The following NBEAL1 variants were observed in gnomAD, a reference collection of about 807,000 sequenced individuals.
NBEAL1 encodes the protein neurobeachin-like protein 1.
NBEAL1 carries 273 observed loss-of-function variants against 351.3 expected under a neutral mutation model. The ratio of observed to expected loss-of-function variants is 0.78; its 90% confidence interval spans 0.70 to 0.86. The LOEUF is 0.86. Among genes scored for constraint, NBEAL1 ranks in the 40% least tolerant of loss-of-function variants. The probability of loss-of-function intolerance (pLI) is 0.00; values close to 1 mark genes in which losing one functional copy is unlikely to be tolerated. For synonymous variants in NBEAL1, 1,050 were observed against 1,086.4 expected, an observed-to-expected ratio of 0.97 and a Z score of 0.66; for missense variants, 2,961 against 3,201.3, an observed-to-expected ratio of 0.92 and a Z score of 1.81.
In NBEAL1 at chr2:203,171,818, G is replaced by A. The variant is rs934913792; in HGVS notation, c.6103-110G>A. 7 of 455,560 alleles carry A rather than the reference G, an allele frequency of 1.5e-5. No homozygotes were observed. In the African/African-American group the frequency reaches 1.9e-4, roughly 12 times the overall value. The allele number at this position is 455,560 out of a possible 1,614,324, so 28.2% of individuals were successfully genotyped here. On this transcript the variant is annotated intron_variant, in intron 39 of 55. Coordinates refer to ENST00000683969, the MANE Select transcript of NBEAL1 (RefSeq NM_001378026.1). ...AAGTATATTGATTTATCTCCCTGTT[G>A]TACCTTTTTTTTTTTTTTAGCCCAT... is the stretch of plus-strand genomic sequence containing the variant.
intron 46 of NBEAL1, 159 bp downstream of exon 46, chr2:203,190,548 A>G (rs925258986): frequency 2.8e-6 from 2 of 705,354 alleles, no homozygotes; most frequent in South Asian, 3.8e-5. Flanking sequence ...TTCCAAGAGG[A>G]AAAACTGAGT....
Position 203,222,277 on chromosome 2 carries a change from A to T in NBEAL1, c.*4923A>T, listed in dbSNP as rs2065961274. ...CAGATCAGACTTCTCTGTGGAGTTT[A>T]TAAATATACAGATATGTAGGCACTG... On this transcript the variant is annotated 3_prime_UTR_variant, in exon 56 of 56. Transcript: ENST00000683969. Among the ~76,000 whole-genome samples, 1 of 152,214 alleles carries T rather than the reference A, an allele frequency of 6.6e-6. No individual in the cohort carries two copies. The highest frequency in any genetic ancestry group is 2.1e-4 in the South Asian group (1 of 4,822).
chr2:203,192,383 TA>T (rs1289602943), intron 46 of NBEAL1, among the ~76,000 whole-genome samples: 4 of 145,770 alleles, frequency 2.7e-5, no homozygotes, highest in African/African-American at 1.0e-4. Context: ...TATTAAAAGA[TA>T]ATTTTTTTTT....
At chr2:203,191,884 T>C (rs542826775) in intron 46 of NBEAL1, among the ~76,000 whole-genome samples, 1 of 152,334 alleles carries the variant, frequency 6.6e-6, no homozygotes, top group Admixed American at 6.5e-5. Flanking sequence ...ATTAGGACAC[T>C]TTCTGCCTTA....
At position 203,121,395 on chromosome 2, in the gene NBEAL1, G is replaced by T. The variant is rs529211719; in HGVS notation, c.2593-859G>T. Among the ~76,000 whole-genome samples the T allele has an allele frequency of 9.2e-5, 14 of 152,246 alleles. No homozygotes were observed. The East Asian group carries it at 2.7e-3, about 29-fold the overall frequency. On this transcript the variant is annotated intron_variant, in intron 18 of 55. Coordinates refer to ENST00000683969, the MANE Select transcript of NBEAL1 (RefSeq NM_001378026.1). ...AGGCCGGGTGCAGTGGCTCATGCCT[G>T]TAATCCCAGCACTTTGGGAGGCCGA...
intron 49 of NBEAL1, among the ~76,000 whole-genome samples, chr2:203,201,098 A>C (rs921135838): frequency 6.6e-6 from 1 of 152,238 alleles, no homozygotes; most frequent in Non-Finnish European, 1.5e-5. Context: ...AACAGTCATC[A>C]TAAGTGTTGT....
intron 2 of NBEAL1, among the ~76,000 whole-genome samples, chr2:203,023,546 A>G (rs982394390): frequency 1.1e-4 from 17 of 152,076 alleles, no homozygotes; most frequent in African/African-American, 4.1e-4. Context: ...GATAGTACTT[A>G]AGTGTAAGTG....
intron 48 of NBEAL1, among the ~76,000 whole-genome samples, chr2:203,198,620 C>T (rs1460300509): frequency 2.6e-5 from 4 of 151,890 alleles, no homozygotes; most frequent in South Asian, 2.1e-4. Context: ...AATCCCAGAA[C>T]TTGGGAGGCT....
In NBEAL1 at chr2:203,198,334, T is replaced by C. The variant is rs183598931; in HGVS notation, c.7128+943T>C. 1.5e-3 allele frequency among the ~76,000 whole-genome samples: 229 copies of C among 152,208 alleles called. 3 individuals carry two copies. The highest frequency in any genetic ancestry group is 5.3e-3 in the African/African-American group (222 of 41,546). On this transcript the variant is annotated intron_variant, in intron 48 of 55. Transcript: ENST00000683969. Reference sequence around the variant, plus strand: ...TTTGTCGGGGGTTGCTTGTTAACTTTTATAATCAAGAAGATAAAAGCTTTT... The same window carrying C: ...TTTGTCGGGGGTTGCTTGTTAACTTCTATAATCAAGAAGATAAAAGCTTTT...
At position 203,126,694 on chromosome 2, in the gene NBEAL1, T is replaced by C. The variant is rs1357832670; in HGVS notation, c.3123T>C (p.Arg1041=). 6.6e-7 allele frequency: 1 copy of C among 1,511,636 alleles called. No individual in the cohort carries two copies. Among genetic ancestry groups the C allele is most frequent in the Non-Finnish European group, 8.8e-7 (1 of 1,130,252 alleles). The allele number at this position is 1,511,636 out of a possible 1,614,324, so 93.6% of individuals were successfully genotyped here. The change falls in exon 22 of 56, where the codon CGT becomes CGC. Residue 1041 remains arginine (R), a synonymous_variant. Coordinates refer to ENST00000683969, the MANE Select transcript of NBEAL1 (RefSeq NM_001378026.1). ...TCTTTGACTTTCGTATTTGGAACCGTGGAGATTTTCCCTTTCGAATCGGTG... is the reference window on the plus strand; with the variant it reads ...TCTTTGACTTTCGTATTTGGAACCGCGGAGATTTTCCCTTTCGAATCGGTG... ...YLLFDFRIWN[R]GDFPFRIGHI...
chr2:203,185,982 T>C (rs948772232), intron 44 of NBEAL1, among the ~76,000 whole-genome samples: 1 of 152,204 alleles, frequency 6.6e-6, no homozygotes, highest in Non-Finnish European at 1.5e-5. Context: ...ATTTTCCTCC[T>C]ACATGCAAAA....
At position 203,047,398 on chromosome 2, in the gene NBEAL1, A is replaced by T. The variant is rs527495348; in HGVS notation, c.144-2416A>T. ...TGTTTTATTAAAATATTAACAGAAT[A>T]TTAAATATTGATAGAACATACTACT... On this transcript the variant is annotated intron_variant, in intron 3 of 55. Coordinates refer to ENST00000683969, the MANE Select transcript of NBEAL1 (RefSeq NM_001378026.1). Among the ~76,000 whole-genome samples the T allele has an allele frequency of 4.1e-3, 632 of 152,342 alleles. 1 individual carries two copies. The highest frequency in any genetic ancestry group is 0.027 in the Middle Eastern group (8 of 294).
chr2:203,099,137 A>G (rs1352605437), intron 11 of NBEAL1, among the ~76,000 whole-genome samples: 2 of 152,108 alleles, frequency 1.3e-5, no homozygotes, highest in South Asian at 2.1e-4. Flanking sequence ...TTAGCTGGGC[A>G]TGGTGACGCA....
chr2:203,134,152 T>C (rs564251659), intron 27 of NBEAL1, among the ~76,000 whole-genome samples: 9 of 152,300 alleles, frequency 5.9e-5, no homozygotes, highest in African/African-American at 2.2e-4. Context: ...AAACAGTGTG[T>C]GTGACAGTGA....
chr2:203,145,789 C>A (rs2063495795), intron 33 of NBEAL1, among the ~76,000 whole-genome samples: 1 of 102,650 alleles, frequency 9.7e-6, no homozygotes. Flanking sequence ...CAGAGTGAGA[C>A]TCCATCTCAA....
chr2:203,189,733 A>G (rs763591249), intron 45 of NBEAL1, among the ~76,000 whole-genome samples: 5 of 152,120 alleles, frequency 3.3e-5, no homozygotes, highest in Admixed American at 6.6e-5. Context: ...ATTGCTTAAA[A>G]TATTTTAGCT....
At chr2:203,185,102 T>C (rs1468848952) in intron 44 of NBEAL1, among the ~76,000 whole-genome samples, 1 of 152,174 alleles carries the variant, frequency 6.6e-6, no homozygotes, top group African/African-American at 2.4e-5. Flanking sequence ...TAGTCCAAGG[T>C]TGAACAGGCA....
At chr2:203,145,813 A>G (rs1233641765) in intron 33 of NBEAL1, among the ~76,000 whole-genome samples, 118 of 151,352 alleles carry the variant, frequency 7.8e-4, no homozygotes, top group East Asian at 1.9e-3. Flanking sequence ...AAAAAAAAAA[A>G]AAAGAAAGAA....
chr2:203,192,568 T>A (rs919271020), intron 46 of NBEAL1, among the ~76,000 whole-genome samples: 3 of 152,030 alleles, frequency 2.0e-5, no homozygotes, highest in African/African-American at 4.8e-5. Context: ...GTATTTTTAG[T>A]AGAGACGGGG....
Sources: allele counts gnomAD v4.1 joint callset (sites outside exome capture counted in the v4.1 genomes callset), GRCh38; gene constraint gnomAD v4.1.1; transcripts MANE v1.5; gene names NCBI Gene and HGNC (gene_info 2026-07-23, HGNC 2026-07-21).